CDH8: variants seen among roughly 807,000 people sequenced by gnomAD.
CDH8 encodes the protein cadherin-8.
Under a neutral mutation model 68.1 loss-of-function variants are expected in CDH8, and 17 were observed. The ratio of observed to expected loss-of-function variants is 0.25; its 90% confidence interval spans 0.17 to 0.37. The LOEUF (loss-of-function observed/expected upper bound fraction) is 0.37, where lower values mean the gene tolerates loss of function less well. Among genes scored for constraint, CDH8 ranks in the 10% least tolerant of loss-of-function variants. The probability of loss-of-function intolerance (pLI) is 1.00; values close to 1 mark genes in which losing one functional copy is unlikely to be tolerated. For synonymous variants in CDH8, 372 were observed against 365.1 expected (o/e 1.02, Z -0.21); for missense variants, 763 against 999.3 (o/e 0.76, Z 3.19).
chr16:61,772,737 C>T (rs1960809454), intron 8 of CDH8, among the ~76,000 whole-genome samples: 1 of 152,028 alleles, frequency 6.6e-6, no homozygotes, highest in Admixed American at 6.6e-5. Flanking sequence ...AGCTATGGTT[C>T]TCAAGGCATG....
At chr16:61,777,538 A>C (rs757906983) in intron 8 of CDH8, among the ~76,000 whole-genome samples, 9 of 152,152 alleles carry the variant, frequency 5.9e-5, no homozygotes, top group Admixed American at 1.3e-4. Context: ...GACATCCTAA[A>C]GGAATGCCTG....
At chr16:61,724,697 T>C (rs975015680) in intron 9 of CDH8, among the ~76,000 whole-genome samples, 4 of 150,844 alleles carry the variant, frequency 2.7e-5, no homozygotes, top group South Asian at 4.1e-4. Context: ...ATTTAATGGC[T>C]CATTCGGTTT....
intron 7 of CDH8, among the ~76,000 whole-genome samples, chr16:61,803,743 G>A (rs1208283161): frequency 6.9e-6 from 1 of 145,006 alleles, no homozygotes; most frequent in East Asian, 2.0e-4. Flanking sequence ...AATGGTAAAG[G>A]GATCAATTCA....
intron 2 of CDH8, among the ~76,000 whole-genome samples, chr16:61,946,488 G>A (rs1041596995): frequency 9.2e-5 from 14 of 152,184 alleles, no homozygotes; most frequent in Non-Finnish European, 1.5e-5. Context: ...GAAAATTAAA[G>A]GAGATAAATT....
chr16:61,935,106 A>C (rs892981383), intron 2 of CDH8, among the ~76,000 whole-genome samples: 1 of 152,220 alleles, frequency 6.6e-6, no homozygotes, highest in Non-Finnish European at 1.5e-5. Flanking sequence ...ATTGGACATT[A>C]GATGACATTA....
At chr16:62,035,586 G>A (rs1055468736) in intron 1 of CDH8, among the ~76,000 whole-genome samples, 2 of 152,220 alleles carry the variant, frequency 1.3e-5, no homozygotes, top group Admixed American at 6.5e-5. Flanking sequence ...TCGCCTCGGA[G>A]ATGAGGCGGT....
chr16:61,825,315 A>C (rs1962305900), intron 4 of CDH8, 136 bp from the exon 5 acceptor site: 1 of 638,926 alleles, frequency 1.6e-6, no homozygotes, highest in African/African-American at 1.9e-5. Flanking sequence ...TTCTTCTGAC[A>C]TTTGATTGGT....
chr16:61,670,152 C>G (rs1963762092), intron 10 of CDH8, among the ~76,000 whole-genome samples: 1 of 152,056 alleles, frequency 6.6e-6, no homozygotes, highest in South Asian at 2.1e-4. Context: ...ATCTCCCCTT[C>G]CATCCAATAA....
At position 61,736,112 on chromosome 16, in the gene CDH8, A is replaced by AAAGAAAGGAAGG. The variant is rs776989465; in HGVS notation, c.1415-8898_1415-8897insCCTTCCTTTCTT. The stretch of plus-strand genomic sequence containing the variant: ...ACAAGAAAGAAGGAAAGAAAGAAAG[A>AAAGAAAGGAAGG]AAGGAAGGAAGGAAGGAAGGAAGGA... On this transcript the variant is annotated intron_variant, in intron 8 of 11. Transcript: ENST00000577390. Among the ~76,000 whole-genome samples the AAAGAAAGGAAGG allele has an allele frequency of 4.0e-3, 469 of 116,496 alleles. 6 individuals are homozygous for AAAGAAAGGAAGG. Among genetic ancestry groups the AAAGAAAGGAAGG allele is most frequent in the East Asian group, 0.035 (133 of 3,832 alleles). 76.4% of individuals were successfully genotyped at this position (116,496 alleles called of 152,430 possible).
intron 8 of CDH8, among the ~76,000 whole-genome samples, chr16:61,743,766 C>T (rs1596923390): frequency 6.6e-6 from 1 of 152,094 alleles, no homozygotes; most frequent in Non-Finnish European, 1.5e-5. Context: ...AGCACTTCTT[C>T]TTTTCTAATG....
intron 2 of CDH8, among the ~76,000 whole-genome samples, chr16:61,915,465 A>G (rs1377879529): frequency 2.0e-5 from 3 of 152,218 alleles, no homozygotes; most frequent in South Asian, 2.1e-4. Context: ...TGATAAAAAA[A>G]TGATTCAAAC....
chr16:61,683,244 A>G (rs1377190650), intron 10 of CDH8, among the ~76,000 whole-genome samples: 2 of 152,020 alleles, frequency 1.3e-5, no homozygotes, highest in Non-Finnish European at 2.9e-5. Flanking sequence ...CCTTAACTGA[A>G]AAATAAAATG....
At chr16:62,004,188 C>T (rs1343088714) in intron 2 of CDH8, among the ~76,000 whole-genome samples, 5 of 152,210 alleles carry the variant, frequency 3.3e-5, no homozygotes, top group Non-Finnish European at 5.9e-5. Context: ...TTAGTCCCCA[C>T]TCAGTGAACT....
chr16:61,871,068 GTATAGACATT>G (rs1253867798), intron 3 of CDH8, among the ~76,000 whole-genome samples: 1 of 151,906 alleles, frequency 6.6e-6, no homozygotes, highest in African/African-American at 2.4e-5. Context: ...ATGTGTTTTT[GTATAGACATT>G]TATGGCATAA....
At chr16:61,754,484 T>C (rs142378353) in intron 8 of CDH8, among the ~76,000 whole-genome samples, 131 of 152,104 alleles carry the variant, frequency 8.6e-4, no homozygotes, top group Non-Finnish European at 1.7e-3. Context: ...CAGAAGCCAT[T>C]TTTTGTTTTT....
chr16:61,884,222 G>C (rs970892219), intron 3 of CDH8, among the ~76,000 whole-genome samples: 1 of 152,100 alleles, frequency 6.6e-6, no homozygotes, highest in East Asian at 1.9e-4. Context: ...TGTGGATTCT[G>C]TTCAGCCTCT....
intron 1 of CDH8, among the ~76,000 whole-genome samples, chr16:62,023,396 A>T (rs1902120926): frequency 6.6e-6 from 1 of 152,092 alleles, no homozygotes; most frequent in South Asian, 2.1e-4. Flanking sequence ...GATGGACAAG[A>T]TAGTCAAGTT....
At chr16:61,879,023 C>T (rs1176405263) in intron 3 of CDH8, among the ~76,000 whole-genome samples, 1 of 152,026 alleles carries the variant, frequency 6.6e-6, no homozygotes, top group African/African-American at 2.4e-5. Context: ...CACTTATTTG[C>T]CCCCATGTCC....
intron 9 of CDH8, chr16:61,726,668 A>G (rs1456195255): frequency 4.5e-6 from 1 of 222,846 alleles, no homozygotes; most frequent in East Asian, 9.0e-5. Context: ...ACAACTTTCT[A>G]TAAACCACTG....
Sources: gnomAD v4.1 joint callset for allele counts (sites outside exome capture counted in the v4.1 genomes callset) on GRCh38, gnomAD v4.1.1 for gene constraint, MANE v1.5 for transcripts, NCBI Gene and HGNC (gene_info 2026-07-23, HGNC 2026-07-21) for gene names.